Variants in MAGI2 observed in about 807,000 individuals in gnomAD.
MAGI2 encodes membrane associated guanylate kinase, WW and PDZ domain containing 2.
MAGI2 carries 35 observed loss-of-function variants against 133.3 expected under a neutral mutation model. That is an observed-to-expected ratio of 0.26 (90% CI 0.20 to 0.35). MAGI2 has a LOEUF of 0.35. Among genes scored for constraint, MAGI2 ranks in the 10% least tolerant of loss-of-function variants. The probability of loss-of-function intolerance (pLI) is 1.00; values close to 1 mark genes in which losing one functional copy is unlikely to be tolerated. For missense variants in MAGI2, 1,636 were observed against 1,863.4 expected, an observed-to-expected ratio of 0.88 and a Z score of 2.25; for synonymous variants, 729 against 710.6, an observed-to-expected ratio of 1.03 and a Z score of -0.41.
intron 6 of MAGI2, among the ~76,000 whole-genome samples, chr7:78,469,219 C>T (rs556203323): frequency 5.3e-5 from 8 of 152,230 alleles, no homozygotes; most frequent in African/African-American, 1.7e-4. Context: ...CATAGGCTAA[C>T]GTAACTGACT....
chr7:79,424,745 G>C (rs1217344574), intron 1 of MAGI2, among the ~76,000 whole-genome samples: 1 of 152,056 alleles, frequency 6.6e-6, no homozygotes, highest in Non-Finnish European at 1.5e-5. Flanking sequence ...AAGTCACATA[G>C]TCTATATTCA....
intron 2 of MAGI2, among the ~76,000 whole-genome samples, chr7:78,941,406 A>G (rs985293097): frequency 2.6e-5 from 4 of 152,108 alleles, no homozygotes; most frequent in Admixed American, 2.0e-4. Flanking sequence ...CCAGAGTGCA[A>G]TGGTGCAATC....
intron 1 of MAGI2, among the ~76,000 whole-genome samples, chr7:79,025,486 C>A (rs1040335498): frequency 1.3e-5 from 2 of 152,114 alleles, no homozygotes; most frequent in Non-Finnish European, 2.9e-5. Context: ...TCCACATGTA[C>A]CCCTGAGCCT....
intron 3 of MAGI2, among the ~76,000 whole-genome samples, chr7:78,557,080 CAAAAAAAAAAAAAAAAAAAAGAAAAAG>C (rs1799902135): frequency 2.4e-5 from 1 of 40,952 alleles, no homozygotes; most frequent in South Asian, 8.9e-4. Context: ...GGCAGAGTCT[CAAAAAAAAAAAAAAAAAAAAGAAAAAG>C]AAAAAAAAAG....
At chr7:79,197,956 T>C (rs192002653) in intron 1 of MAGI2, among the ~76,000 whole-genome samples, 7 of 151,928 alleles carry the variant, frequency 4.6e-5, no homozygotes, top group Non-Finnish European at 8.8e-5. Context: ...ATTAAAACCA[T>C]AGCAAGAGGG....
intron 10 of MAGI2, among the ~76,000 whole-genome samples, chr7:78,235,690 T>G (rs1247222364): frequency 6.6e-6 from 1 of 152,050 alleles, no homozygotes; most frequent in Non-Finnish European, 1.5e-5. Flanking sequence ...CCTCTTTCCT[T>G]TATAAATTAC....
At chr7:78,822,706 G>T (rs1563546427) in intron 2 of MAGI2, among the ~76,000 whole-genome samples, 1 of 151,012 alleles carries the variant, frequency 6.6e-6, no homozygotes, top group Non-Finnish European at 1.5e-5. Context: ...CCTACTGCCT[G>T]TTTTTTTTTA....
chr7:78,731,538 G>T (rs572165954), intron 2 of MAGI2, among the ~76,000 whole-genome samples: 1 of 152,232 alleles, frequency 6.6e-6, no homozygotes, highest in South Asian at 2.1e-4. Flanking sequence ...TATACTAGCT[G>T]GTTGAAGGAG....
chr7:79,382,911 C>T (rs1311593820), intron 1 of MAGI2, among the ~76,000 whole-genome samples: 1 of 151,296 alleles, frequency 6.6e-6, no homozygotes. Flanking sequence ...TTATGAAAGA[C>T]CTGAAAAACA....
intron 2 of MAGI2, among the ~76,000 whole-genome samples, chr7:78,856,609 A>C (rs998737998): frequency 7.2e-5 from 11 of 152,248 alleles, no homozygotes; most frequent in Middle Eastern, 3.4e-3. Flanking sequence ...CCATTGGTCT[A>C]TATCTCTGGT....
At chr7:78,245,718 C>G (rs888554109) in intron 10 of MAGI2, among the ~76,000 whole-genome samples, 4 of 152,110 alleles carry the variant, frequency 2.6e-5, no homozygotes, top group African/African-American at 7.2e-5. Flanking sequence ...CCCATCAACA[C>G]CTTGGACACC....
chr7:79,193,091 G>A (rs1381809874), intron 1 of MAGI2, among the ~76,000 whole-genome samples: 1 of 151,898 alleles, frequency 6.6e-6, no homozygotes, highest in Admixed American at 6.6e-5. Flanking sequence ...GGGATTACAG[G>A]TGTGACTCAC....
chr7:79,438,590 C>T (rs973651938), intron 1 of MAGI2, among the ~76,000 whole-genome samples: 5 of 152,058 alleles, frequency 3.3e-5, no homozygotes, highest in East Asian at 1.9e-4. Flanking sequence ...CAGCTAATGG[C>T]ATCTTCATCT....
At chr7:79,130,968 C>A (rs1045585819) in intron 1 of MAGI2, among the ~76,000 whole-genome samples, 1 of 152,084 alleles carries the variant, frequency 6.6e-6, no homozygotes, top group Admixed American at 6.5e-5. Context: ...TTCATTCATT[C>A]ATTCCAGATA....
intron 10 of MAGI2, among the ~76,000 whole-genome samples, chr7:78,225,157 T>C (rs2150853240): frequency 6.6e-6 from 1 of 152,286 alleles, no homozygotes; most frequent in African/African-American, 2.4e-5. Context: ...AGAGATCACT[T>C]GTCAGCTGCA....
At chr7:78,203,015 G>A (rs1018011977) in intron 10 of MAGI2, among the ~76,000 whole-genome samples, 2 of 152,194 alleles carry the variant, frequency 1.3e-5, no homozygotes, top group African/African-American at 2.4e-5. Context: ...GAGTTTAAAA[G>A]TGAAACAGAT....
chr7:78,166,975 G>A (rs1486868735), intron 15 of MAGI2, among the ~76,000 whole-genome samples: 1 of 152,112 alleles, frequency 6.6e-6, no homozygotes, highest in Non-Finnish European at 1.5e-5. Flanking sequence ...TTCTTCATCT[G>A]TAACAAGATG....
At chr7:79,226,917 T>C (rs1830911359) in intron 1 of MAGI2, among the ~76,000 whole-genome samples, 1 of 152,210 alleles carries the variant, frequency 6.6e-6, no homozygotes, top group Non-Finnish European at 1.5e-5. Context: ...GACTATTGCC[T>C]GATTCTTTTG....
chr7:78,861,159 A>G (rs1207671678), intron 2 of MAGI2, among the ~76,000 whole-genome samples: 1 of 152,146 alleles, frequency 6.6e-6, no homozygotes, highest in African/African-American at 2.4e-5. Context: ...TCCCTTTGCT[A>G]GGAAAGGGAA....
Sources: allele counts gnomAD v4.1 joint callset (sites outside exome capture counted in the v4.1 genomes callset), GRCh38; gene constraint gnomAD v4.1.1; transcripts MANE v1.5; gene names NCBI Gene and HGNC (gene_info 2026-07-23, HGNC 2026-07-21).